The following ADD3 variants were observed in gnomAD, a reference collection of about 807,000 sequenced individuals.
ADD3 encodes the protein gamma-adducin.
Under a neutral mutation model 80.2 loss-of-function variants are expected in ADD3, and 25 were observed. The observed-to-expected ratio is 0.31, with a 90% confidence interval of 0.23 to 0.44. The LOEUF (loss-of-function observed/expected upper bound fraction) is 0.44. ADD3 is among the 20% of genes least tolerant of loss of function. The pLI, the probability that ADD3 is intolerant of heterozygous loss-of-function variation, is 1.00. For missense variants in ADD3, 829 were observed against 847.5 expected, an observed-to-expected ratio of 0.98 and a Z score of 0.27; for synonymous variants, 284 against 289.6, an observed-to-expected ratio of 0.98 and a Z score of 0.20.
intron 1 of ADD3, among the ~76,000 whole-genome samples, chr10:110,036,971 T>A (rs1363775557): frequency 6.6e-6 from 1 of 152,146 alleles, no homozygotes; most frequent in African/African-American, 2.4e-5. Context: ...ACTAGACTAG[T>A]GCTTTTTGCT....
rs576944824 is a variant in ADD3 at position 110,133,790 on chromosome 10, A to G, written c.*172A>G. The G allele has an allele frequency of 2.6e-4, 134 of 506,832 alleles. 1 individual carries two copies. The highest frequency in any genetic ancestry group is 2.4e-3 in the African/African-American group (122 of 50,756). The allele number at this position is 506,832 out of a possible 1,614,324, so 31.4% of individuals were successfully genotyped here. A position where few individuals can be genotyped will look rare whatever the true frequency, so the allele number is the denominator to read the frequency against. The stretch of plus-strand genomic sequence containing the variant: ...AGAAAAACTTTCAGATTCATCTCTC[A>G]TTTTATATGTCCAGAAATGGCTTTG... On this transcript the variant is annotated 3_prime_UTR_variant, in exon 15 of 15. Transcript: ENST00000356080.
At chr10:109,996,495 A>G (rs1851382759) in intron 1 of ADD3, 1 of 152,250 alleles carries the variant, frequency 6.6e-6, no homozygotes, top group Non-Finnish European at 1.5e-5. Flanking sequence ...GTCTTTTCAA[A>G]AATGGGGGAA....
chr10:110,027,655 G>A (rs930561121), intron 1 of ADD3, among the ~76,000 whole-genome samples: 22 of 152,204 alleles, frequency 1.4e-4, no homozygotes, highest in African/African-American at 4.8e-4. Flanking sequence ...CATATCCCTG[G>A]AACATCTTTC....
At chr10:110,057,780 AAGAAT>A (rs1858389739) in intron 1 of ADD3, among the ~76,000 whole-genome samples, 1 of 152,192 alleles carries the variant, frequency 6.6e-6, no homozygotes, top group Non-Finnish European at 1.5e-5. Context: ...GTTGCAATGA[AAGAAT>A]ATACTTTTTA....
chr10:110,130,268 T>C (rs1368905362), intron 12 of ADD3, 95 bp from the exon 13 acceptor site: 21 of 1,258,674 alleles, frequency 1.7e-5, no homozygotes, highest in Admixed American at 4.0e-5. Context: ...TTCACAAACA[T>C]CATATTTGCA....
At chr10:110,123,349 T>C (rs1851745447) in intron 9 of ADD3, among the ~76,000 whole-genome samples, 1 of 152,188 alleles carries the variant, frequency 6.6e-6, no homozygotes, top group Non-Finnish European at 1.5e-5. Context: ...GTGCAAAGGG[T>C]CCCTTTCTCC....
At chr10:110,119,124 T>A (rs1851145009) in intron 6 of ADD3, 87 bp from the exon 7 acceptor site, 11 of 1,463,656 alleles carry the variant, frequency 7.5e-6, no homozygotes, top group Non-Finnish European at 1.0e-5. Flanking sequence ...AGGCCAGTGT[T>A]TTCCTGAGCT....
intron 1 of ADD3, among the ~76,000 whole-genome samples, chr10:110,072,176 C>G (rs1844805495): frequency 6.6e-6 from 1 of 152,218 alleles, no homozygotes; most frequent in Admixed American, 6.5e-5. Context: ...ATTCTCCTGC[C>G]TCAGCCTCCC....
At chr10:110,111,662 T>A (rs1432364592) in intron 2 of ADD3, among the ~76,000 whole-genome samples, 2 of 152,180 alleles carry the variant, frequency 1.3e-5, no homozygotes, top group Non-Finnish European at 2.9e-5. Context: ...ACGCCTGTAA[T>A]CCCAGCACTT....
At chr10:110,054,317 T>C (rs1345137788) in intron 1 of ADD3, among the ~76,000 whole-genome samples, 1 of 152,184 alleles carries the variant, frequency 6.6e-6, no homozygotes, top group Non-Finnish European at 1.5e-5. Flanking sequence ...CCCTATCAGA[T>C]AATGCTGCTA....
At chr10:110,038,638 A>G (rs1855940438) in intron 1 of ADD3, among the ~76,000 whole-genome samples, 1 of 152,208 alleles carries the variant, frequency 6.6e-6, no homozygotes, top group Non-Finnish European at 1.5e-5. Flanking sequence ...ACTGTTTCTT[A>G]AGGGTCACAC....
chr10:110,034,960 A>G (rs1855471734), intron 1 of ADD3, among the ~76,000 whole-genome samples: 1 of 152,260 alleles, frequency 6.6e-6, no homozygotes, highest in South Asian at 2.1e-4. Flanking sequence ...CATGTAATGT[A>G]TAAATGTAAC....
intron 1 of ADD3, among the ~76,000 whole-genome samples, chr10:110,008,758 T>C (rs575957304): frequency 2.4e-4 from 37 of 152,272 alleles, no homozygotes; most frequent in African/African-American, 8.7e-4. Context: ...TTGGTTTTAG[T>C]TGTTTTTCTC....
chr10:110,030,636 C>T (rs1854892151), intron 1 of ADD3, among the ~76,000 whole-genome samples: 1 of 151,452 alleles, frequency 6.6e-6, no homozygotes, highest in Admixed American at 6.6e-5. Flanking sequence ...TTATGGTAAC[C>T]ACTAGCTGTG....
intron 1 of ADD3, among the ~76,000 whole-genome samples, chr10:110,079,867 A>T (rs1315326542): frequency 6.6e-6 from 1 of 152,114 alleles, no homozygotes; most frequent in Non-Finnish European, 1.5e-5. Flanking sequence ...ATGGCTTTAT[A>T]GTACTTTATT....
At chr10:110,097,610 T>C (rs1399590728) in intron 1 of ADD3, among the ~76,000 whole-genome samples, 3 of 152,160 alleles carry the variant, frequency 2.0e-5, no homozygotes, top group African/African-American at 7.2e-5. Flanking sequence ...AATACTATTA[T>C]CAAATTTACA....
chr10:110,034,295 A>C (rs1408893198), intron 1 of ADD3, among the ~76,000 whole-genome samples: 2 of 152,030 alleles, frequency 1.3e-5, no homozygotes, highest in Non-Finnish European at 2.9e-5. Flanking sequence ...TAGAAATGTT[A>C]ATTTCTATGG....
intron 1 of ADD3, among the ~76,000 whole-genome samples, chr10:110,041,808 G>A (rs1323174294): frequency 6.6e-6 from 1 of 152,126 alleles, no homozygotes; most frequent in South Asian, 2.1e-4. Flanking sequence ...ACAGCTGATA[G>A]GCATGTAGCA....
At chr10:110,128,479 G>A (rs1323636342) in intron 12 of ADD3, among the ~76,000 whole-genome samples, 6 of 151,882 alleles carry the variant, frequency 4.0e-5, no homozygotes, top group African/African-American at 1.2e-4. Context: ...GCAGTGGCGC[G>A]ATCTTGGCTC....
Sources: allele counts gnomAD v4.1 joint callset (sites outside exome capture counted in the v4.1 genomes callset), GRCh38; gene constraint gnomAD v4.1.1; transcripts MANE v1.5; gene names NCBI Gene and HGNC (gene_info 2026-07-23, HGNC 2026-07-21).